PARD3B: variants seen among roughly 807,000 people sequenced by gnomAD.
The protein encoded by PARD3B is partitioning defective 3 homolog B.
PARD3B carries 103 observed loss-of-function variants against 130.2 expected under a neutral mutation model. That is an observed-to-expected ratio of 0.79 (90% CI 0.67 to 0.93). The LOEUF is 0.93. PARD3B is among the 40% of genes least tolerant of loss of function. The pLI is 0.00. For synonymous variants in PARD3B, 583 were observed against 553.2 expected, an observed-to-expected ratio of 1.05 and a Z score of -0.76; for missense variants, 1,609 against 1,499.2, an observed-to-expected ratio of 1.07 and a Z score of -1.21.
At chr2:205,482,230 C>T (rs942187994) in intron 20 of PARD3B, among the ~76,000 whole-genome samples, 2 of 152,008 alleles carry the variant, frequency 1.3e-5, no homozygotes, top group African/African-American at 2.4e-5. Context: ...TAGAGAATAG[C>T]TAAAGAGACA....
intron 4 of PARD3B, among the ~76,000 whole-genome samples, chr2:205,097,841 G>A (rs1306658246): frequency 6.6e-6 from 1 of 151,086 alleles, no homozygotes; most frequent in Admixed American, 6.6e-5. Context: ...GTGTGTGTGT[G>A]TGTGTGTGTG....
chr2:205,425,111 CA>C (rs2047100096), intron 19 of PARD3B, among the ~76,000 whole-genome samples: 1 of 152,136 alleles, frequency 6.6e-6, no homozygotes, highest in African/African-American at 2.4e-5. Flanking sequence ...TTAATGTCTT[CA>C]ACACTAATGA....
At chr2:204,694,114 A>G (rs368453430) in intron 2 of PARD3B, among the ~76,000 whole-genome samples, 3 of 152,074 alleles carry the variant, frequency 2.0e-5, no homozygotes, top group African/African-American at 7.2e-5. Context: ...AGTGTGCAGG[A>G]AAATACAATG....
chr2:204,642,840 G>A (rs923189872), intron 1 of PARD3B, among the ~76,000 whole-genome samples: 4 of 151,652 alleles, frequency 2.6e-5, no homozygotes, highest in Non-Finnish European at 4.4e-5. Context: ...TCGGCCGGGC[G>A]CGGTGGCTCA....
intron 15 of PARD3B, among the ~76,000 whole-genome samples, chr2:205,238,954 ATC>A (rs772942787): frequency 7.2e-6 from 1 of 139,780 alleles, no homozygotes; most frequent in East Asian, 2.1e-4. Flanking sequence ...ATATATATAT[ATC>A]TGATGTGCTA....
chr2:204,722,799 G>T (rs973980940), intron 2 of PARD3B, among the ~76,000 whole-genome samples: 4 of 152,054 alleles, frequency 2.6e-5, no homozygotes, highest in Non-Finnish European at 4.4e-5. Flanking sequence ...CTGAATATGG[G>T]CAGGACACTG....
chr2:204,860,791 A>G (rs1345618778), intron 2 of PARD3B, among the ~76,000 whole-genome samples: 1 of 152,146 alleles, frequency 6.6e-6, no homozygotes, highest in Admixed American at 6.5e-5. Context: ...TTGAAGCATT[A>G]TTTATAAAAA....
chr2:205,245,404 C>G (rs1281623282), intron 15 of PARD3B, among the ~76,000 whole-genome samples: 1 of 152,164 alleles, frequency 6.6e-6, no homozygotes, highest in East Asian at 1.9e-4. Flanking sequence ...TACACACAGA[C>G]ACACACACGT....
intron 2 of PARD3B, among the ~76,000 whole-genome samples, chr2:204,720,669 A>G (rs570578329): frequency 6.6e-6 from 1 of 152,314 alleles, no homozygotes; most frequent in African/African-American, 2.4e-5. Context: ...TTGATCAGAC[A>G]ATGCAGGTTT....
Position 204,777,954 on chromosome 2 carries a change from T to G in PARD3B, c.222+91672T>G, listed in dbSNP as rs369459462. ...GATGGTTTTATAAGTGTTTGACAGT[T>G]TCTCCTTCACACACTCTCCTGCTGC... On this transcript the variant is annotated intron_variant, in intron 2 of 22. Transcript: ENST00000406610. 3.7e-4 allele frequency among the ~76,000 whole-genome samples: 56 copies of G among 152,134 alleles called. 2 individuals are homozygous for G. In the South Asian group the frequency reaches 0.012, roughly 32 times the overall value.
chr2:205,057,324 A>G (rs1699710467), intron 4 of PARD3B, among the ~76,000 whole-genome samples: 1 of 97,162 alleles, frequency 1.0e-5, no homozygotes, highest in African/African-American at 3.2e-5. Context: ...TGTATGTTAT[A>G]TATGTATATG....
intron 20 of PARD3B, among the ~76,000 whole-genome samples, chr2:205,464,650 T>C (rs1575087556): frequency 6.6e-6 from 1 of 152,220 alleles, no homozygotes; most frequent in African/African-American, 2.4e-5. Flanking sequence ...TCTAAAATTA[T>C]ATTTCATTAA....
intron 2 of PARD3B, among the ~76,000 whole-genome samples, chr2:204,879,670 A>G (rs1325849668): frequency 1.3e-5 from 2 of 152,112 alleles, no homozygotes; most frequent in Non-Finnish European, 2.9e-5. Context: ...ATAACTCCTG[A>G]TTGTTCTTAG....
rs1401668639 is a variant in PARD3B, at chr2:205,500,011, T to C, written c.3160T>C (p.Ser1054Pro). ...AGACGACGAAGGAAGAGCAAGGCCATCTGAGTATGACCTACTCTGGGTAAG... is the reference window on the plus strand; with the variant it reads ...AGACGACGAAGGAAGAGCAAGGCCACCTGAGTATGACCTACTCTGGGTAAG... ...YEDDEGRARP[S>P]EYDLLWVPGR... Residue 1054 changes from serine to proline, a missense_variant, in exon 21 of 23, where the codon TCT becomes CCT. Transcript: ENST00000406610. 6.2e-7 allele frequency: 1 copy of C among 1,613,860 alleles called. No homozygotes were observed. Among genetic ancestry groups the C allele is most frequent in the Non-Finnish European group, 8.5e-7 (1 of 1,179,806 alleles).
chr2:205,467,511 TTATAA>T (rs752777075), intron 20 of PARD3B, among the ~76,000 whole-genome samples: 4 of 152,254 alleles, frequency 2.6e-5, no homozygotes, highest in Non-Finnish European at 5.9e-5. Context: ...TGAATTAATT[TTATAA>T]TATATTTTAT....
intron 15 of PARD3B, among the ~76,000 whole-genome samples, chr2:205,226,046 G>C (rs879290889): frequency 6.6e-6 from 1 of 152,142 alleles, no homozygotes; most frequent in Non-Finnish European, 1.5e-5. Context: ...CCAGGCTAGA[G>C]TGCAATGGCA....
chr2:205,401,881 A>T (rs1307706391), intron 19 of PARD3B, among the ~76,000 whole-genome samples: 1 of 152,258 alleles, frequency 6.6e-6, no homozygotes, highest in Non-Finnish European at 1.5e-5. Context: ...AAACCAGCAT[A>T]TAATTCTAAG....
chr2:204,710,383 G>A (rs1490060024), intron 2 of PARD3B, among the ~76,000 whole-genome samples: 2 of 152,200 alleles, frequency 1.3e-5, no homozygotes, highest in African/African-American at 4.8e-5. Flanking sequence ...GTGATCCCTT[G>A]ATGTCTGTTA....
At chr2:204,652,336 T>C (rs1445757249) in intron 1 of PARD3B, among the ~76,000 whole-genome samples, 1 of 152,210 alleles carries the variant, frequency 6.6e-6, no homozygotes, top group Non-Finnish European at 1.5e-5. Flanking sequence ...GTAAATGCTT[T>C]GCTGCTTAGA....
Sources: allele counts gnomAD v4.1 joint callset (sites outside exome capture counted in the v4.1 genomes callset), GRCh38; gene constraint gnomAD v4.1.1; transcripts MANE v1.5; gene names NCBI Gene and HGNC (gene_info 2026-07-23, HGNC 2026-07-21).